Variants in RASA1 observed in about 807,000 individuals in gnomAD.
The protein encoded by RASA1 is RAS p21 protein activator 1, also known as ras GTPase-activating protein 1.
RASA1 carries 25 observed loss-of-function variants against 132.2 expected under a neutral mutation model. The ratio of observed to expected loss-of-function variants is 0.19; its 90% confidence interval spans 0.14 to 0.26. The LOEUF is 0.26. RASA1 is among the 10% of genes least tolerant of loss of function. The pLI, the probability that RASA1 is intolerant of heterozygous loss-of-function variation, is 1.00. For missense variants in RASA1, 964 were observed against 1,299.2 expected, an observed-to-expected ratio of 0.74 and a Z score of 3.97; for synonymous variants, 477 against 449.9, an observed-to-expected ratio of 1.06 and a Z score of -0.76.
chr5:87,275,266 T>C (rs562511551), intron 1 of RASA1, among the ~76,000 whole-genome samples: 6 of 152,224 alleles, frequency 3.9e-5, no homozygotes, highest in Non-Finnish European at 5.9e-5. Flanking sequence ...TTGTTGTTGT[T>C]GCTTACTGCC....
chr5:87,272,136 G>A (rs1753871252), intron 1 of RASA1, among the ~76,000 whole-genome samples: 1 of 148,678 alleles, frequency 6.7e-6, no homozygotes, highest in African/African-American at 2.5e-5. Flanking sequence ...CAGCAAGAAC[G>A]AAACCCTGTC....
intron 1 of RASA1, among the ~76,000 whole-genome samples, chr5:87,304,045 A>G (rs1322482192): frequency 2.0e-5 from 3 of 151,838 alleles, no homozygotes; most frequent in African/African-American, 7.3e-5. Context: ...TGTTGACCAT[A>G]GCTGGTGTCA....
At chr5:87,331,533 A>C in intron 2 of RASA1, 33 bp downstream of exon 2, 1 of 1,602,362 alleles carries the variant, frequency 6.2e-7, no homozygotes, top group Non-Finnish European at 8.5e-7. Flanking sequence ...AAGCCAAATG[A>C]TGTAGCTATT....
At chr5:87,358,577 T>C (rs1759833315) in intron 9 of RASA1, among the ~76,000 whole-genome samples, 1 of 152,238 alleles carries the variant, frequency 6.6e-6, no homozygotes, top group African/African-American at 2.4e-5. Context: ...CTTTGTCCCC[T>C]TATGCTGCAT....
intron 13 of RASA1, among the ~76,000 whole-genome samples, 161 bp from the exon 14 acceptor site, chr5:87,374,002 A>T (rs990583468): frequency 1.3e-5 from 2 of 151,834 alleles, no homozygotes; most frequent in African/African-American, 4.8e-5. Flanking sequence ...TGTTTTAAGT[A>T]TGTCATATAC....
chr5:87,365,433 T>A (rs1760441557), intron 11 of RASA1, among the ~76,000 whole-genome samples: 2 of 152,148 alleles, frequency 1.3e-5, no homozygotes, highest in South Asian at 4.1e-4. Context: ...AATATTACTT[T>A]ATTCACAGCT....
chr5:87,383,010 T>C (rs778522858), intron 20 of RASA1, among the ~76,000 whole-genome samples: 2 of 152,066 alleles, frequency 1.3e-5, no homozygotes. Context: ...GAGAATTGTT[T>C]GATCCCAGGG....
chr5:87,368,626 C>A (rs899492207), intron 11 of RASA1, among the ~76,000 whole-genome samples: 3 of 152,204 alleles, frequency 2.0e-5, no homozygotes, highest in Non-Finnish European at 4.4e-5. Context: ...CATGAAGGCA[C>A]AGCCCTTCAG....
At position 87,331,375 on chromosome 5, in the gene RASA1, G is replaced by A. The variant is rs139174054; in HGVS notation, c.567G>A (p.Thr189=). 5.0e-6 allele frequency: 8 copies of A among 1,611,930 alleles called. No homozygotes were observed. The highest frequency in any genetic ancestry group is 2.7e-5 in the African/African-American group (2 of 74,842). Residue 189 remains threonine, a synonymous_variant, in exon 2 of 25, where the codon ACG becomes ACA. Transcript: ENST00000274376. ...NQWYHGKLDR[T]IAEERLRQAG... ...GGTATCACGGAAAACTTGACAGAACGATAGCAGAAGAACGCCTCAGGCAGG... is the reference window on the plus strand; with the variant it reads ...GGTATCACGGAAAACTTGACAGAACAATAGCAGAAGAACGCCTCAGGCAGG...
chr5:87,270,572 CCT>C (rs1048396123), intron 1 of RASA1, among the ~76,000 whole-genome samples: 3 of 150,342 alleles, frequency 2.0e-5, no homozygotes, highest in African/African-American at 7.4e-5. Flanking sequence ...ATGTCGAACT[CCT>C]GACCTCAGGT....
At chr5:87,361,102 A>G (rs1760057252) in intron 9 of RASA1, among the ~76,000 whole-genome samples, 1 of 152,180 alleles carries the variant, frequency 6.6e-6, no homozygotes, top group African/African-American at 2.4e-5. Flanking sequence ...AGCGGTTGGC[A>G]AAAGTTTTCT....
chr5:87,283,148 G>GTTTTTTTTTTTTTTTGTTT (rs200461511), intron 1 of RASA1, among the ~76,000 whole-genome samples: 10 of 103,230 alleles, frequency 9.7e-5, no homozygotes, highest in South Asian at 3.2e-4. Context: ...TTTTTTTTGT[G>GTTTTTTTTTTTTTTTGTTT]TTTTTTTTTT....
chr5:87,386,577 A>C (rs770515457), intron 22 of RASA1, among the ~76,000 whole-genome samples: 34 of 152,168 alleles, frequency 2.2e-4, no homozygotes, highest in Non-Finnish European at 3.8e-4. Flanking sequence ...ACTCCTCAGT[A>C]TAGCCATTTG....
chr5:87,332,753 T>A, intron 3 of RASA1, 111 bp downstream of exon 3: 1 of 1,112,686 alleles, frequency 9.0e-7, no homozygotes. Flanking sequence ...GTATTTGTTG[T>A]ATTAAATTTT....
At chr5:87,386,771 A>G (rs901568387) in intron 22 of RASA1, 55 bp from the exon 23 acceptor site, 44 of 1,487,204 alleles carry the variant, frequency 3.0e-5, no homozygotes, top group Non-Finnish European at 3.8e-5. Flanking sequence ...CCAACCTAAT[A>G]GATCAAACAG....
At chr5:87,284,877 G>A (rs77784884) in intron 1 of RASA1, among the ~76,000 whole-genome samples, 3,194 of 151,970 alleles carry the variant, frequency 0.021, 114 homozygotes, top group African/African-American at 0.072. Flanking sequence ...TCATGAAGCT[G>A]TTTTTGAAAT....
intron 8 of RASA1, 87 bp downstream of exon 8, chr5:87,349,451 A>G (rs1759101203): frequency 1.4e-6 from 2 of 1,442,176 alleles, no homozygotes; most frequent in Middle Eastern, 2.0e-4. Context: ...AAAATTATAT[A>G]AAAGTTTCTA....
chr5:87,301,431 ATACT>A (rs1421649381), intron 1 of RASA1, among the ~76,000 whole-genome samples: 1 of 152,150 alleles, frequency 6.6e-6, no homozygotes, highest in Admixed American at 6.5e-5. Flanking sequence ...TGTGTAATCC[ATACT>A]TAAAGAACCC....
At chr5:87,376,674 A>G in intron 16 of RASA1, 109 bp downstream of exon 16, 5 of 1,365,974 alleles carry the variant, frequency 3.7e-6, no homozygotes, top group Non-Finnish European at 5.1e-6. Context: ...TAGTAGCACA[A>G]TGATGCCAGA....
Sources: gnomAD v4.1 joint callset for allele counts (sites outside exome capture counted in the v4.1 genomes callset) on GRCh38, gnomAD v4.1.1 for gene constraint, MANE v1.5 for transcripts, NCBI Gene and HGNC (gene_info 2026-07-23, HGNC 2026-07-21) for gene names.